The following PRKN variants were observed in gnomAD, a reference collection of about 807,000 sequenced individuals.
The protein encoded by PRKN is parkin RBR E3 ubiquitin protein ligase.
A neutral mutation model predicts 59.5 loss-of-function variants in PRKN; 56 were observed. That is an observed-to-expected ratio of 0.94 (90% CI 0.76 to 1.18). The LOEUF is 1.18. Among genes scored for constraint, PRKN ranks in the 50% most tolerant of loss-of-function variants. The pLI, the probability that PRKN is intolerant of heterozygous loss-of-function variation, is 0.00. For synonymous variants in PRKN, 250 were observed against 222.1 expected (o/e 1.13, Z -1.12); for missense variants, 657 against 596.4 (o/e 1.10, Z -1.06).
At chr6:162,429,167 A>T (rs892831506) in intron 2 of PRKN, among the ~76,000 whole-genome samples, 1 of 152,080 alleles carries the variant, frequency 6.6e-6, no homozygotes, top group African/African-American at 2.4e-5. Context: ...ATGTTACAAG[A>T]AGTCTAAACA....
chr6:161,894,810 T>C (rs1469952233), intron 6 of PRKN, among the ~76,000 whole-genome samples: 1 of 152,212 alleles, frequency 6.6e-6, no homozygotes, highest in African/African-American at 2.4e-5. Flanking sequence ...TTACAAACAT[T>C]AAAATGATAT....
intron 5 of PRKN, among the ~76,000 whole-genome samples, chr6:161,977,876 G>T (rs77487162): frequency 0.076 from 11,578 of 151,900 alleles, 513 homozygotes; most frequent in Middle Eastern, 0.1. Context: ...AAGGTCATTT[G>T]CTCTAAAACT....
At chr6:162,134,857 G>T (rs560659373) in intron 4 of PRKN, among the ~76,000 whole-genome samples, 4 of 152,262 alleles carry the variant, frequency 2.6e-5, no homozygotes, top group African/African-American at 9.6e-5. Context: ...GAAAACTAAA[G>T]ATTAGAGTCC....
intron 2 of PRKN, among the ~76,000 whole-genome samples, chr6:162,275,781 G>A (rs1208293723): frequency 1.5e-4 from 21 of 144,382 alleles, no homozygotes; most frequent in Non-Finnish European, 2.4e-4. Flanking sequence ...GTGAAAATCC[G>A]TCTCAAAAAA....
At chr6:162,545,117 T>C (rs1779068655) in intron 1 of PRKN, among the ~76,000 whole-genome samples, 1 of 151,356 alleles carries the variant, frequency 6.6e-6, no homozygotes, top group Non-Finnish European at 1.5e-5. Flanking sequence ...AAACCCTGTC[T>C]CTACTAAAAA....
intron 7 of PRKN, among the ~76,000 whole-genome samples, chr6:161,742,327 T>C (rs1281387982): frequency 2.0e-5 from 3 of 152,184 alleles, no homozygotes; most frequent in Non-Finnish European, 4.4e-5. Context: ...TCATGTAAGA[T>C]GCGTCTTGCT....
chr6:162,254,352 G>A (rs1779560008), intron 3 of PRKN, among the ~76,000 whole-genome samples: 1 of 151,798 alleles, frequency 6.6e-6, no homozygotes, highest in Admixed American at 6.6e-5. Flanking sequence ...AGCTTCTCTG[G>A]AGGCTGAGGG....
intron 1 of PRKN, among the ~76,000 whole-genome samples, chr6:162,664,172 C>T (rs546942381): frequency 6.6e-6 from 1 of 152,256 alleles, no homozygotes; most frequent in Non-Finnish European, 1.5e-5. Context: ...TGTTAGTTTG[C>T]TGAGGATGAT....
intron 9 of PRKN, among the ~76,000 whole-genome samples, chr6:161,481,132 G>C (rs1166772638): frequency 6.6e-6 from 1 of 152,186 alleles, no homozygotes; most frequent in Non-Finnish European, 1.5e-5. Flanking sequence ...TGCCACCATA[G>C]AACTGTTTTC....
intron 1 of PRKN, among the ~76,000 whole-genome samples, chr6:162,472,529 A>G (rs1791807755): frequency 2.5e-5 from 3 of 120,100 alleles, no homozygotes; most frequent in Non-Finnish European, 3.6e-5. Context: ...CGCCCAGGCC[A>G]GACTGCGGAC....
At chr6:162,005,179 A>T (rs1156535053) in intron 5 of PRKN, among the ~76,000 whole-genome samples, 1 of 152,336 alleles carries the variant, frequency 6.6e-6, no homozygotes, top group East Asian at 1.9e-4. Flanking sequence ...AAATGACAAC[A>T]TATTTCAAGC....
chr6:162,026,499 A>G (rs963832719), intron 5 of PRKN, among the ~76,000 whole-genome samples: 3 of 152,150 alleles, frequency 2.0e-5, no homozygotes, highest in Non-Finnish European at 4.4e-5. Flanking sequence ...ATTAAGACAC[A>G]TTCACTTTCA....
chr6:162,513,643 G>C (rs1273249741), intron 1 of PRKN, among the ~76,000 whole-genome samples: 1 of 152,146 alleles, frequency 6.6e-6, no homozygotes, highest in African/African-American at 2.4e-5. Flanking sequence ...CGAGTGACTG[G>C]AGAAGGTAAC....
At chr6:161,422,720 G>A (rs1562437821) in intron 9 of PRKN, among the ~76,000 whole-genome samples, 1 of 152,120 alleles carries the variant, frequency 6.6e-6, no homozygotes, top group Non-Finnish European at 1.5e-5. Flanking sequence ...AAGAAGGAAG[G>A]AAGAAAGGAA....
At chr6:162,189,755 T>C (rs771763109) in intron 4 of PRKN, among the ~76,000 whole-genome samples, 7 of 152,038 alleles carry the variant, frequency 4.6e-5, no homozygotes, top group African/African-American at 7.2e-5. Context: ...AGACATATTA[T>C]GTCATATTGG....
chr6:162,185,406 C>T (rs556033741), intron 4 of PRKN, among the ~76,000 whole-genome samples: 133 of 152,244 alleles, frequency 8.7e-4, no homozygotes, highest in Non-Finnish European at 1.7e-3. Context: ...CAAAAACTTA[C>T]GGCTGAATAC....
chr6:162,444,176 G>A (rs796212262), intron 1 of PRKN, among the ~76,000 whole-genome samples: 1 of 152,122 alleles, frequency 6.6e-6, no homozygotes, highest in African/African-American at 2.4e-5. Flanking sequence ...CCTCTTCAGC[G>A]TCTCTCACTG....
chr6:162,709,842 A>T (rs1360692413), intron 1 of PRKN, among the ~76,000 whole-genome samples: 1 of 151,846 alleles, frequency 6.6e-6, no homozygotes, highest in East Asian at 1.9e-4. Context: ...CCAGGAATAT[A>T]AAAAAATCTC....
intron 6 of PRKN, among the ~76,000 whole-genome samples, chr6:161,944,477 G>T (rs951212752): frequency 1.4e-4 from 21 of 151,786 alleles, no homozygotes; most frequent in Non-Finnish European, 2.1e-4. Context: ...CTCCTTCTTG[G>T]GGCCATTGAA....
Sources: allele counts gnomAD v4.1 joint callset (sites outside exome capture counted in the v4.1 genomes callset), GRCh38; gene constraint gnomAD v4.1.1; transcripts MANE v1.5; gene names NCBI Gene and HGNC (gene_info 2026-07-23, HGNC 2026-07-21).